RNF17: variants seen among roughly 807,000 people sequenced by gnomAD.
The protein encoded by RNF17 is spermatogenesis associated 23.
In RNF17, 31 loss-of-function variants were observed where a neutral mutation model predicts 200.5. The observed-to-expected ratio is 0.15, with a 90% CI of 0.12 to 0.21. The LOEUF is 0.21. RNF17 is among the 10% of genes least tolerant of loss of function. The pLI, the probability that RNF17 is intolerant of heterozygous loss-of-function variation, is 1.00. For synonymous variants in RNF17, 606 were observed against 637.8 expected (o/e 0.95, Z 0.75); for missense variants, 1,628 against 1,905.1 (o/e 0.85, Z 2.71).
intron 1 of RNF17, among the ~76,000 whole-genome samples, chr13:24,766,907 C>T (rs576163432): frequency 1.3e-5 from 2 of 152,300 alleles, no homozygotes; most frequent in East Asian, 3.9e-4. Context: ...CCCTCCTGAC[C>T]TGAATAGTTG....
chr13:24,785,980 G>T lies in RNF17; in HGVS notation c.612-2008G>T, dbSNP rs544140001. 1.3e-4 allele frequency among the ~76,000 whole-genome samples: 20 copies of T among 152,122 alleles called. No individual in the cohort carries two copies. The South Asian group carries it at 2.1e-3, about 16-fold the overall frequency. ...TATTTTTTATCCATTCTTCAGATTT[G>T]TGCCTTTGGATTAGAGAGTTTAATT... On this transcript the variant is annotated intron_variant, in intron 6 of 35. Coordinates refer to ENST00000255324, the MANE Select transcript of RNF17 (RefSeq NM_031277.3).
chr13:24,881,313 G>GT (rs1176025699), downstream of RNF17, among the ~76,000 whole-genome samples: 2 of 151,858 alleles, frequency 1.3e-5, no homozygotes, highest in African/African-American at 4.8e-5. Flanking sequence ...GCTAACTTTT[G>GT]TATTTTTAGT....
At chr13:24,787,066 G>T (rs947375531) in intron 6 of RNF17, among the ~76,000 whole-genome samples, 1 of 151,616 alleles carries the variant, frequency 6.6e-6, no homozygotes, top group East Asian at 1.9e-4. Context: ...AAGTTGGCTC[G>T]TTCTTTCCTT....
chr13:24,751,908 C>A, the RNF17 span: 1 of 152,114 alleles, frequency 6.6e-6, no homozygotes, highest in Non-Finnish European at 1.5e-5. Flanking sequence ...TTGAAGAATG[C>A]CAACTATACC....
chr13:24,784,872 A>AT (rs985940896), intron 6 of RNF17, among the ~76,000 whole-genome samples: 1 of 151,346 alleles, frequency 6.6e-6, no homozygotes, highest in African/African-American at 2.4e-5. Flanking sequence ...CGCCCAGCTA[A>AT]TTTTTTTTGT....
chr13:24,882,071 GATATATAGATACATCTATATAT>G (rs1566273209), downstream of RNF17, among the ~76,000 whole-genome samples: 8 of 8,296 alleles, frequency 9.6e-4, 1 homozygote, highest in South Asian at 7.8e-3. Context: ...CATCTATATA[GATATATAGATACATCTATATAT>G]ATAGATACAT....
chr13:24,885,610 C>T, the RNF17 span: 1 of 1,605,596 alleles, frequency 6.2e-7, no homozygotes. Context: ...ATTTACTTGT[C>T]CCTTATCCAA....
chr13:24,875,634 T>G (rs1479405182), intron 33 of RNF17, among the ~76,000 whole-genome samples: 1 of 152,090 alleles, frequency 6.6e-6, no homozygotes, highest in Non-Finnish European at 1.5e-5. Flanking sequence ...ACAAGCAAGA[T>G]CAAGACCCTG....
At chr13:24,849,508 A>C (rs1307555578) in intron 22 of RNF17, among the ~76,000 whole-genome samples, 1 of 152,316 alleles carries the variant, frequency 6.6e-6, no homozygotes, top group East Asian at 1.9e-4. Context: ...GTGTGGCCCA[A>C]AATAATTCTT....
At chr13:24,785,845 C>T (rs552825178) in intron 6 of RNF17, among the ~76,000 whole-genome samples, 1 of 152,250 alleles carries the variant, frequency 6.6e-6, no homozygotes, top group African/African-American at 2.4e-5. Context: ...GGAGCCACCC[C>T]AGCTTTTTAA....
chr13:24,854,799 T>C (rs930242026), intron 25 of RNF17, among the ~76,000 whole-genome samples: 5 of 152,200 alleles, frequency 3.3e-5, no homozygotes, highest in African/African-American at 1.2e-4. Flanking sequence ...AATGAATTTT[T>C]TGAAGTTACT....
intron 18 of RNF17, among the ~76,000 whole-genome samples, chr13:24,834,442 A>AC (rs1555279655): frequency 7.5e-5 from 11 of 147,224 alleles, no homozygotes; most frequent in South Asian, 2.2e-4. Flanking sequence ...AAGAACAACA[A>AC]AAAAGCAACA....
upstream of RNF17, among the ~76,000 whole-genome samples, chr13:24,759,941 G>A (rs182213915): frequency 6.6e-6 from 1 of 152,232 alleles, no homozygotes; most frequent in East Asian, 1.9e-4. Context: ...AGGAGTTCGA[G>A]ACCAGCCTGG....
In RNF17 at chr13:24,812,687, T is replaced by TCCCCCCCCCCCC; in HGVS notation, c.2091+8258_2091+8259insCCCCCCCCCCCC. 2.0e-4 allele frequency among the ~76,000 whole-genome samples: 5 copies of TCCCCCCCCCCCC among 24,772 alleles called. No homozygotes were observed. In the Admixed American group the frequency reaches 2.1e-3, roughly 11 times the overall value. 16.3% of individuals were successfully genotyped at this position (24,772 alleles called of 152,430 possible). A position where few individuals can be genotyped will look rare whatever the true frequency, so the allele number is the denominator to read the frequency against. Reference sequence around the variant, plus strand: ...CCTCCCCTCCCCGCCCCACCCCCTTTTTTTTTTTTTTTGAGACGCAGTCTC... The same window carrying TCCCCCCCCCCCC: ...CCTCCCCTCCCCGCCCCACCCCCTTTCCCCCCCCCCCCTTTTTTTTTTTTGAGACGCAGTCTC... On this transcript the variant is annotated intron_variant, in intron 15 of 35. Transcript: ENST00000255324.
intron 22 of RNF17, among the ~76,000 whole-genome samples, chr13:24,848,319 C>T (rs758557224): frequency 6.6e-6 from 1 of 152,098 alleles, no homozygotes; most frequent in Non-Finnish European, 1.5e-5. Flanking sequence ...ATATATATTA[C>T]ACTCAGTTTA....
At chr13:24,835,540 ACT>A (rs1300603424) in intron 18 of RNF17, among the ~76,000 whole-genome samples, 2 of 151,976 alleles carry the variant, frequency 1.3e-5, no homozygotes, top group African/African-American at 4.8e-5. Flanking sequence ...AACCAGGTAG[ACT>A]CTCTGGGTGG....
chr13:24,854,331 T>C (rs1159758082), intron 25 of RNF17, among the ~76,000 whole-genome samples, 187 bp downstream of exon 25: 3 of 152,364 alleles, frequency 2.0e-5, no homozygotes, highest in African/African-American at 4.8e-5. Context: ...AGTTTTTCAT[T>C]ATTCTAACAT....
rs1879847651 is a variant in RNF17, at chr13:24,767,306, T to C, written c.165T>C (p.Phe55=). 6.2e-7 allele frequency: 1 copy of C among 1,612,394 alleles called. No individual in the cohort carries two copies. Among genetic ancestry groups the C allele is most frequent in the East Asian group, 2.2e-5 (1 of 44,874 alleles). ...HHCELQCGHA[F]CELCLLMTEE... is the part of the protein sequence containing the mutation. ...GTGAACTTCAATGTGGACATGCTTT[T>C]TGTGAACTATGCTTGTTAATGACTG... The change falls in exon 2 of 36, where the codon TTT becomes TTC. Residue 55 remains phenylalanine, a synonymous_variant. Transcript: ENST00000255324.
intron 10 of RNF17, among the ~76,000 whole-genome samples, chr13:24,793,807 A>G (rs1355616866): frequency 6.6e-6 from 1 of 152,206 alleles, no homozygotes; most frequent in Admixed American, 6.5e-5. Flanking sequence ...TAGATTTTCA[A>G]TGTCAGTATT....
Sources: gnomAD v4.1 joint callset for allele counts (sites outside exome capture counted in the v4.1 genomes callset) on GRCh38, gnomAD v4.1.1 for gene constraint, MANE v1.5 for transcripts, NCBI Gene and HGNC (gene_info 2026-07-23, HGNC 2026-07-21) for gene names.